PDGFD: variants seen among roughly 807,000 people sequenced by gnomAD.
The protein encoded by PDGFD is platelet-derived growth factor D.
In PDGFD, 30 loss-of-function variants were observed where a neutral mutation model predicts 44.7. That is an observed-to-expected ratio of 0.67 (90% CI 0.50 to 0.91). The LOEUF (loss-of-function observed/expected upper bound fraction) is 0.91. Among genes scored for constraint, PDGFD ranks in the 40% least tolerant of loss-of-function variants. The pLI, the probability that PDGFD is intolerant of heterozygous loss-of-function variation, is 0.00. For synonymous variants in PDGFD, 173 were observed against 168.4 expected, an observed-to-expected ratio of 1.03 and a Z score of -0.21; for missense variants, 445 against 457.8, an observed-to-expected ratio of 0.97 and a Z score of 0.25.
intron 1 of PDGFD, among the ~76,000 whole-genome samples, chr11:104,118,763 TAA>T (rs1477415181): frequency 2.2e-4 from 25 of 112,212 alleles, no homozygotes; most frequent in African/African-American, 7.2e-4. Context: ...GTATATATTA[TAA>T]ATATTAATAT....
intron 6 of PDGFD, among the ~76,000 whole-genome samples, chr11:103,910,316 G>A (rs1474245901): frequency 3.3e-5 from 5 of 152,190 alleles, no homozygotes; most frequent in African/African-American, 9.7e-5. Context: ...CAAGATGGCC[G>A]AACAGGAACA....
At chr11:104,003,824 G>C (rs1036429633) in intron 1 of PDGFD, among the ~76,000 whole-genome samples, 3 of 152,190 alleles carry the variant, frequency 2.0e-5, no homozygotes, top group African/African-American at 7.2e-5. Flanking sequence ...CCTGAGAAGG[G>C]AAGGTGAAGC....
chr11:103,943,437 G>A lies in PDGFD; in HGVS notation c.772+15C>T, dbSNP rs200457793. ...CTATGTGCTTATGAAGAATGTACAAGTGTCTGTCTCTTACCTTTTGACTTC... is the reference window on the plus strand; with the variant it reads ...CTATGTGCTTATGAAGAATGTACAAATGTCTGTCTCTTACCTTTTGACTTC... On this transcript the variant is annotated intron_variant, in intron 5 of 6. Transcript: ENST00000393158. 7.5e-6 allele frequency: 12 copies of A among 1,603,504 alleles called. No homozygotes were observed. The African/African-American group carries it at 1.5e-4, about 20-fold the overall frequency.
At chr11:104,097,008 T>G (rs1861298723) in intron 1 of PDGFD, among the ~76,000 whole-genome samples, 1 of 152,142 alleles carries the variant, frequency 6.6e-6, no homozygotes, top group African/African-American at 2.4e-5. Context: ...GTTTTATTCT[T>G]CAACAAGTCA....
intron 1 of PDGFD, among the ~76,000 whole-genome samples, chr11:104,098,531 G>T (rs757971251): frequency 2.0e-5 from 3 of 149,400 alleles, no homozygotes; most frequent in Admixed American, 1.3e-4. Context: ...TTGAGACAGG[G>T]TCTCCCTCTG....
intron 1 of PDGFD, among the ~76,000 whole-genome samples, chr11:104,116,073 T>C (rs918309806): frequency 2.0e-5 from 3 of 152,100 alleles, no homozygotes; most frequent in Non-Finnish European, 4.4e-5. Context: ...TTTATTGCAA[T>C]TGCTTTTGGG....
intron 6 of PDGFD, among the ~76,000 whole-genome samples, chr11:103,912,245 C>T (rs988469542): frequency 2.6e-5 from 4 of 152,134 alleles, no homozygotes; most frequent in African/African-American, 9.7e-5. Flanking sequence ...TTGGGTTACC[C>T]ACAAAGGGAA....
At chr11:104,132,576 A>G (rs1355865478) in intron 1 of PDGFD, among the ~76,000 whole-genome samples, 8 of 152,058 alleles carry the variant, frequency 5.3e-5, no homozygotes, top group African/African-American at 1.7e-4. Context: ...GCTCCATAAC[A>G]TGAGTAAGAG....
At chr11:104,139,191 T>C (rs1268566363) in intron 1 of PDGFD, among the ~76,000 whole-genome samples, 2 of 152,206 alleles carry the variant, frequency 1.3e-5, no homozygotes, top group Non-Finnish European at 2.9e-5. Flanking sequence ...ATTTCCAATT[T>C]ACAGATAACT....
chr11:103,911,010 G>T lies in PDGFD; in HGVS notation c.988-1191C>A, dbSNP rs534771625. Among the ~76,000 whole-genome samples, 4 of 152,368 alleles carry T rather than the reference G, an allele frequency of 2.6e-5. No homozygotes were observed. The South Asian group carries it at 8.3e-4, about 32-fold the overall frequency. On this transcript the variant is annotated intron_variant, in intron 6 of 6. Coordinates refer to ENST00000393158, the MANE Select transcript of PDGFD (RefSeq NM_025208.5). Reference sequence around the variant, plus strand: ...GAGCCCACCGCAGCTCAGCAAGGCCGCTGTGGCCAAACTGCCTCTCTAGAT... The same window carrying T: ...GAGCCCACCGCAGCTCAGCAAGGCCTCTGTGGCCAAACTGCCTCTCTAGAT...
chr11:104,161,309 T>G (rs1053444424), intron 1 of PDGFD, among the ~76,000 whole-genome samples: 2 of 152,194 alleles, frequency 1.3e-5, no homozygotes, highest in Non-Finnish European at 2.9e-5. Flanking sequence ...TATCATGTCT[T>G]AATCTGATAG....
At chr11:104,066,511 T>C (rs1377507689) in intron 1 of PDGFD, among the ~76,000 whole-genome samples, 1 of 152,164 alleles carries the variant, frequency 6.6e-6, no homozygotes, top group African/African-American at 2.4e-5. Context: ...ATAAAAGCTT[T>C]CAGACAAGTA....
Position 104,152,169 on chromosome 11 carries a change from A to G in PDGFD, c.124+11635T>C, listed in dbSNP as rs543825860. Among the ~76,000 whole-genome samples the G allele has an allele frequency of 3.3e-5, 5 of 152,320 alleles. No homozygotes were observed. In the East Asian group the frequency reaches 9.7e-4, roughly 29 times the overall value. On this transcript the variant is annotated intron_variant, in intron 1 of 6. Coordinates refer to ENST00000393158, the MANE Select transcript of PDGFD (RefSeq NM_025208.5). ...TGGGTTTGGTGAAAAGTAGTAAACT[A>G]AAGAATAAAAACTATAAGGCCACAG... is the stretch of plus-strand genomic sequence containing the variant.
At chr11:103,910,087 C>A (rs1262211557) in intron 6 of PDGFD, among the ~76,000 whole-genome samples, 1 of 118,438 alleles carries the variant, frequency 8.4e-6, no homozygotes, top group Admixed American at 7.7e-5. Context: ...TGTGTCTTAG[C>A]AGGTATTTAT....
intron 1 of PDGFD, among the ~76,000 whole-genome samples, chr11:104,062,864 T>C (rs1239668374): frequency 6.6e-6 from 1 of 152,250 alleles, no homozygotes. Context: ...TCTCTAGAGA[T>C]ACAAATATAG....
intron 1 of PDGFD, among the ~76,000 whole-genome samples, chr11:104,045,984 G>C (rs183103963): frequency 6.8e-6 from 1 of 146,710 alleles, no homozygotes; most frequent in African/African-American, 2.5e-5. Context: ...TGGGGGGCAA[G>C]CAGAGGAAGA....
chr11:104,119,669 C>T (rs1207419290), intron 1 of PDGFD, among the ~76,000 whole-genome samples: 5 of 71,988 alleles, frequency 6.9e-5, no homozygotes, highest in South Asian at 5.3e-4. Flanking sequence ...AATTATATAT[C>T]GATATATATA....
intron 1 of PDGFD, among the ~76,000 whole-genome samples, chr11:104,091,908 G>T (rs183863037): frequency 1.3e-5 from 2 of 152,072 alleles, no homozygotes; most frequent in Non-Finnish European, 2.9e-5. Flanking sequence ...AATCTGGCTG[G>T]CAATAAAGGA....
At chr11:104,012,517 A>G (rs1385641415) in intron 1 of PDGFD, among the ~76,000 whole-genome samples, 1 of 152,212 alleles carries the variant, frequency 6.6e-6, no homozygotes, top group Non-Finnish European at 1.5e-5. Context: ...AGGTCATACA[A>G]CGGATGGTGT....
Sources: gnomAD v4.1 joint callset for allele counts (sites outside exome capture counted in the v4.1 genomes callset) on GRCh38, gnomAD v4.1.1 for gene constraint, MANE v1.5 for transcripts, NCBI Gene and HGNC (gene_info 2026-07-23, HGNC 2026-07-21) for gene names.